The following SDHD variants were observed in gnomAD, a reference collection of about 807,000 sequenced individuals.
SDHD encodes the protein succinate dehydrogenase complex subunit D.
Under a neutral mutation model 18.7 loss-of-function variants are expected in SDHD, and 6 were observed. The observed-to-expected ratio is 0.32, with a 90% CI of 0.18 to 0.63. SDHD has a LOEUF of 0.63. Ranked by LOEUF, SDHD falls within the 30% of genes least tolerant of loss-of-function variation. SDHD has a pLI of 0.79. For missense variants in SDHD, 160 were observed against 192.7 expected (o/e 0.83, Z 1.00); for synonymous variants, 56 against 73.9 (o/e 0.76, Z 1.24).
chr11:112,091,595 A>G (rs1234318361), intron 3 of SDHD, among the ~76,000 whole-genome samples: 1 of 152,126 alleles, frequency 6.6e-6, no homozygotes, highest in Non-Finnish European at 1.5e-5. Context: ...TGGATGTCTG[A>G]TAGTTATCCC....
rs772671893 is a variant in SDHD at position 112,086,932 on chromosome 11, G to C, written c.25G>C (p.Ala9Pro). 1 of 1,614,242 alleles carries C rather than the reference G, an allele frequency of 6.2e-7. No individual in the cohort carries two copies. The highest frequency in any genetic ancestry group is 2.2e-5 in the East Asian group (1 of 44,890). MAVLWRLS[A>P]VCGALGGRAL... Reference sequence around the variant, plus strand: ...GATGGCGGTTCTCTGGAGGCTGAGTGCCGTTTGCGGTGCCCTAGGAGGCCG... The same window carrying C: ...GATGGCGGTTCTCTGGAGGCTGAGTCCCGTTTGCGGTGCCCTAGGAGGCCG... The change falls in exon 1 of 4, where the codon GCC becomes CCC. Residue 9 changes from alanine (A) to proline (P), a missense_variant. Transcript: ENST00000375549.
intron 3 of SDHD, chr11:112,093,129 C>T (rs765022536): frequency 4.2e-5 from 16 of 384,004 alleles, no homozygotes; most frequent in Non-Finnish European, 5.3e-5. Flanking sequence ...CGGCTCAGCA[C>T]GATCTCAGCT....
chr11:112,090,262 C>A (rs1423294016), intron 3 of SDHD, among the ~76,000 whole-genome samples: 8 of 152,094 alleles, frequency 5.3e-5, no homozygotes, highest in Admixed American at 5.2e-4. Flanking sequence ...GCGTGCACCA[C>A]CACATCCGGC....
chr11:112,093,977 A>C (rs368532102), intron 3 of SDHD, among the ~76,000 whole-genome samples: 8 of 152,234 alleles, frequency 5.3e-5, no homozygotes, highest in East Asian at 3.8e-4. Context: ...TCTACTTAAT[A>C]AATTCTTTTT....
intron 3 of SDHD, among the ~76,000 whole-genome samples, chr11:112,090,448 CT>C (rs1296573963): frequency 1.3e-5 from 2 of 152,044 alleles, no homozygotes; most frequent in African/African-American, 4.8e-5. Flanking sequence ...GTTTGTATGA[CT>C]TTCTACGTAA....
In SDHD at chr11:112,095,566, T is replaced by G. The variant is rs1865827509; in HGVS notation, c.*596T>G. 4.3e-6 allele frequency: 1 copy of G among 231,154 alleles called. No individual in the cohort carries two copies. Among genetic ancestry groups the G allele is most frequent in the African/African-American group, 2.2e-5 (1 of 45,198 alleles). 14.3% of individuals were successfully genotyped at this position (231,154 alleles called of 1,614,324 possible). On this transcript the variant is annotated 3_prime_UTR_variant, in exon 4 of 4. Coordinates refer to ENST00000375549, the MANE Select transcript of SDHD (RefSeq NM_003002.4). Reference sequence around the variant, plus strand: ...GCTTCTGAATATACAGAAGTTCCATTTAAGGGCAAGTTTCCCTGTAGATGT... The same window carrying G: ...GCTTCTGAATATACAGAAGTTCCATGTAAGGGCAAGTTTCCCTGTAGATGT...
chr11:112,091,630 CT>C, intron 3 of SDHD, among the ~76,000 whole-genome samples: 1 of 152,256 alleles, frequency 6.6e-6, no homozygotes, highest in African/African-American at 2.4e-5. Context: ...CCAAATCGCT[CT>C]TTTTTCCCCC....
rs2135277845 is a variant in SDHD at position 112,094,958 on chromosome 11, G to A, written c.468G>A (p.Leu156=). The A allele has an allele frequency of 6.2e-7, 1 of 1,611,198 alleles. No individual in the cohort carries two copies. The highest frequency in any genetic ancestry group is 8.5e-7 in the Non-Finnish European group (1 of 1,179,112). Reference sequence around the variant, plus strand: ...GCATCTGCAAAGCTGTTGCCATGCTGTGGAAGCTCTGACCTTTTTGACTTC... The same window carrying A: ...GCATCTGCAAAGCTGTTGCCATGCTATGGAAGCTCTGACCTTTTTGACTTC... ...DVGICKAVAM[L]WKL Residue 156 remains leucine (L), a synonymous_variant, in exon 4 of 4, where the codon CTG becomes CTA. Transcript: ENST00000375549.
intron 3 of SDHD, among the ~76,000 whole-genome samples, chr11:112,091,626 C>T (rs908590694): frequency 1.3e-5 from 2 of 152,144 alleles, no homozygotes; most frequent in Admixed American, 6.5e-5. Context: ...TTGGCCAAAT[C>T]GCTCTTTTTT....
rs562618773 is a variant in SDHD at position 112,087,801 on chromosome 11, TGTCA to T, written c.53-52_53-49del. ...CTTACCTATGGTCATTTAGAAAGTT[TGTCA>T]GTCCTGTTAAAGGAGAGGTTCTTAT... is the stretch of plus-strand genomic sequence containing the variant. On this transcript the variant is annotated intron_variant, in intron 1 of 3. Coordinates refer to ENST00000375549, the MANE Select transcript of SDHD (RefSeq NM_003002.4). 673 of 1,101,670 alleles carry T rather than the reference TGTCA, an allele frequency of 6.1e-4. 5 individuals are homozygous for T. In the African/African-American group the frequency reaches 9.4e-3, roughly 15 times the overall value. The allele number at this position is 1,101,670 out of a possible 1,614,324, so 68.2% of individuals were successfully genotyped here.
At chr11:112,088,784 T>A (rs953724919) in intron 2 of SDHD, 83 bp from the exon 3 acceptor site, 1 of 1,468,804 alleles carries the variant, frequency 6.8e-7, no homozygotes, top group African/African-American at 1.4e-5. Flanking sequence ...TGCCTGTCAG[T>A]TTGGGTTACT....
At chr11:112,087,088 C>A in intron 1 of SDHD, 129 bp downstream of exon 1, 1 of 1,037,430 alleles carries the variant, frequency 9.6e-7, no homozygotes, top group Non-Finnish European at 1.5e-6. Context: ...CAGCAATGAC[C>A]ACTGTAGTCT....
intron 2 of SDHD, 34 bp from the exon 3 acceptor site, chr11:112,088,833 A>T (rs1865682757): frequency 1.2e-6 from 2 of 1,611,762 alleles, no homozygotes; most frequent in Non-Finnish European, 1.7e-6. Context: ...TGTGTTTCTC[A>T]CATCAACTTT....
chr11:112,092,686 A>G (rs184718181), intron 3 of SDHD, among the ~76,000 whole-genome samples: 1 of 152,308 alleles, frequency 6.6e-6, no homozygotes, highest in Admixed American at 6.5e-5. Flanking sequence ...AAACGTTTCA[A>G]TCACTTTGGA....
rs571337221 is a variant in SDHD, at chr11:112,089,343, C to A, written c.314+332C>A. On this transcript the variant is annotated intron_variant, in intron 3 of 3. Coordinates refer to ENST00000375549, the MANE Select transcript of SDHD (RefSeq NM_003002.4). The stretch of plus-strand genomic sequence containing the variant: ...TGTTCAAGTCTAAACCTGGTAAGCT[C>A]CAAACTTGGTCATTATCCTTGACTC... Among the ~76,000 whole-genome samples, 6 of 152,288 alleles carry A rather than the reference C, an allele frequency of 3.9e-5. No individual in the cohort carries two copies. The East Asian group carries it at 1.2e-3, about 29-fold the overall frequency.
At chr11:112,094,585 T>C (rs1359454667) in intron 3 of SDHD, among the ~76,000 whole-genome samples, 2 of 152,130 alleles carry the variant, frequency 1.3e-5, no homozygotes, top group East Asian at 3.8e-4. Context: ...AGAGTAAGAC[T>C]TTGTCTCTAA....
Position 112,095,109 on chromosome 11 carries a change from T to C in SDHD, c.*139T>C. 1.4e-6 allele frequency: 1 copy of C among 732,686 alleles called. No individual in the cohort carries two copies. The highest frequency in any genetic ancestry group is 2.4e-6 in the Non-Finnish European group (1 of 415,832). The allele number at this position is 732,686 out of a possible 1,614,324, so 45.4% of individuals were successfully genotyped here. The stretch of plus-strand genomic sequence containing the variant: ...CTTCTTCTCTTAATCACAAGATTAT[T>C]TTCAGAATTTAATCTTTGAGGAAAA... On this transcript the variant is annotated 3_prime_UTR_variant, in exon 4 of 4. Transcript: ENST00000375549.
chr11:112,094,213 T>C (rs1865798133), intron 3 of SDHD, among the ~76,000 whole-genome samples: 1 of 151,712 alleles, frequency 6.6e-6, no homozygotes, highest in African/African-American at 2.4e-5. Flanking sequence ...GCCTGGCCAA[T>C]ATGGTGAAAC....
intron 1 of SDHD, 57 bp downstream of exon 1, chr11:112,087,016 T>C: frequency 1.3e-6 from 2 of 1,595,434 alleles, no homozygotes; most frequent in South Asian, 2.2e-5. Context: ...GGGAAGGGGA[T>C]GGAAGTGAGG....
Sources: allele counts gnomAD v4.1 joint callset (sites outside exome capture counted in the v4.1 genomes callset), GRCh38; gene constraint gnomAD v4.1.1; transcripts MANE v1.5; gene names NCBI Gene and HGNC (gene_info 2026-07-23, HGNC 2026-07-21).